DTL: variants seen among roughly 807,000 people sequenced by gnomAD.
DTL encodes denticleless E3 ubiquitin protein ligase adapter, also known as denticleless protein homolog.
In DTL, 46 loss-of-function variants were observed where a neutral mutation model predicts 87.0. That is an observed-to-expected ratio of 0.53 (90% CI 0.42 to 0.68). The LOEUF (loss-of-function observed/expected upper bound fraction) is 0.68. DTL is among the 30% of genes least tolerant of loss of function. The probability of loss-of-function intolerance (pLI) is 0.00; values close to 1 mark genes in which losing one functional copy is unlikely to be tolerated. For missense variants in DTL, 737 were observed against 869.4 expected (o/e 0.85, Z 1.91); for synonymous variants, 308 against 311.2 (o/e 0.99, Z 0.11).
chr1:212,036,438 C>G (rs542427252), intron 1 of DTL, among the ~76,000 whole-genome samples: 2 of 152,234 alleles, frequency 1.3e-5, no homozygotes, highest in South Asian at 4.1e-4. Flanking sequence ...GGAACAAAAT[C>G]TTATTTTCCC....
chr1:212,039,268 G>T (rs1667572645), intron 1 of DTL, among the ~76,000 whole-genome samples: 1 of 152,030 alleles, frequency 6.6e-6, no homozygotes, highest in Admixed American at 6.5e-5. Context: ...AAATTTTATT[G>T]GAAGTCCATC....
intron 10 of DTL, among the ~76,000 whole-genome samples, chr1:212,071,475 C>A (rs1247237683): frequency 9.2e-5 from 14 of 152,176 alleles, no homozygotes; most frequent in Non-Finnish European, 5.9e-5. Context: ...AAACAGTTTA[C>A]TCCACTAGCT....
At chr1:212,098,456 A>G (rs1161511405) in intron 13 of DTL, among the ~76,000 whole-genome samples, 2 of 152,198 alleles carry the variant, frequency 1.3e-5, no homozygotes, top group South Asian at 2.1e-4. Context: ...CGGGCTTCTC[A>G]GGCAATGAGC....
intron 13 of DTL, among the ~76,000 whole-genome samples, chr1:212,089,291 G>T (rs531509398): frequency 5.3e-5 from 8 of 151,880 alleles, no homozygotes; most frequent in African/African-American, 1.7e-4. Flanking sequence ...AAATGTGTAG[G>T]CCCATATAAT....
At chr1:212,087,567 T>C (rs1197470234) in intron 13 of DTL, among the ~76,000 whole-genome samples, 1 of 150,630 alleles carries the variant, frequency 6.6e-6, no homozygotes, top group African/African-American at 2.4e-5. Flanking sequence ...AAAAAGAACC[T>C]AGCAGAGCAA....
intron 5 of DTL, among the ~76,000 whole-genome samples, chr1:212,060,232 A>T (rs981454428): frequency 6.6e-6 from 1 of 152,220 alleles, no homozygotes; most frequent in Non-Finnish European, 1.5e-5. Context: ...AAGCAAAAAG[A>T]ATATAGCTAA....
intron 7 of DTL, 75 bp from the exon 8 acceptor site, chr1:212,066,737 T>C: frequency 1.4e-6 from 2 of 1,436,766 alleles, no homozygotes; most frequent in Non-Finnish European, 1.9e-6. Flanking sequence ...AAAGTCGTTT[T>C]TTAGCACCTT....
At position 212,103,798 on chromosome 1, in the gene DTL, C is replaced by A. The variant is rs1655694014; in HGVS notation, c.*858C>A. 6.6e-6 allele frequency: 1 copy of A among 151,976 alleles called. No homozygotes were observed. The highest frequency in any genetic ancestry group is 1.5e-5 in the Non-Finnish European group (1 of 68,000). 9.4% of individuals were successfully genotyped at this position (151,976 alleles called of 1,614,324 possible). ...TTGAATTCAGGTGCAGTCATCAGTT[C>A]TTTAGGGGCTGCAATGTTTTAAAAA... On this transcript the variant is annotated 3_prime_UTR_variant, in exon 15 of 15. Transcript: ENST00000366991.
intron 5 of DTL, among the ~76,000 whole-genome samples, chr1:212,050,203 A>G (rs559939564): frequency 9.9e-5 from 15 of 152,176 alleles, no homozygotes; most frequent in Non-Finnish European, 2.1e-4. Context: ...CGATCTATCT[A>G]TAATCAATCA....
intron 5 of DTL, among the ~76,000 whole-genome samples, chr1:212,054,177 CA>C: frequency 6.6e-6 from 1 of 152,196 alleles, no homozygotes; most frequent in South Asian, 2.1e-4. Context: ...CCATATGGTA[CA>C]GGGGTCAGCC....
rs1234588275 is a variant in DTL at position 212,068,320 on chromosome 1, A to G, written c.810A>G (p.Arg270=). The G allele has an allele frequency of 1.2e-6, 2 of 1,604,246 alleles. No individual in the cohort carries two copies. Among genetic ancestry groups the G allele is most frequent in the Non-Finnish European group, 1.7e-6 (2 of 1,175,976 alleles). ...TCCTGTACCCAGGTAGCAGCACTCGAAAACTTGGTAAGCCTTTAATAGGTC... is the reference window on the plus strand; with the variant it reads ...TCCTGTACCCAGGTAGCAGCACTCGGAAACTTGGTAAGCCTTTAATAGGTC... ...KSFLYPGSST[R]KLGYSSLILD... is the part of the protein sequence containing the mutation. Residue 270 remains arginine, a synonymous_variant, in exon 9 of 15, where the codon CGA becomes CGG. Transcript: ENST00000366991.
At chr1:212,093,558 TCTC>T (rs1655351120) in intron 13 of DTL, among the ~76,000 whole-genome samples, 3 of 152,274 alleles carry the variant, frequency 2.0e-5, no homozygotes, top group Admixed American at 1.3e-4. Context: ...CGGCCCCAGT[TCTC>T]CTCCGACTGC....
chr1:212,050,176 AAATT>A (rs541106237), intron 5 of DTL, among the ~76,000 whole-genome samples: 16 of 152,146 alleles, frequency 1.1e-4, no homozygotes, highest in African/African-American at 2.9e-4. Context: ...GTCTCAAAAT[AAATT>A]AATTAAATCA....
rs1448625360 is a variant in DTL, at chr1:212,103,756, T to C, written c.*816T>C. ...CCATTTACTAGAGGAAGATGTTTTA[T>C]GAAATCAATTTGGGGTTTGAATTCA... On this transcript the variant is annotated 3_prime_UTR_variant, in exon 15 of 15. Transcript: ENST00000366991. 6.6e-6 allele frequency: 1 copy of C among 152,222 alleles called. No homozygotes were observed. 9.4% of individuals were successfully genotyped at this position (152,222 alleles called of 1,614,324 possible).
chr1:212,041,667 G>C lies in DTL; in HGVS notation c.53-1326G>C, dbSNP rs568493146. Among the ~76,000 whole-genome samples, 4 of 151,876 alleles carry C rather than the reference G, an allele frequency of 2.6e-5. No homozygotes were observed. The South Asian group carries it at 8.3e-4, about 32-fold the overall frequency. On this transcript the variant is annotated intron_variant, in intron 1 of 14. Coordinates refer to ENST00000366991, the MANE Select transcript of DTL (RefSeq NM_016448.4). ...CTACAGGCGCCTGCCACCACGCCTG[G>C]CTAATTTTTTTTTTATGTATTTTTA...
At position 212,103,566 on chromosome 1, in the gene DTL, G is replaced by C. The variant is rs1342041940; in HGVS notation, c.*626G>C. 2 of 152,164 alleles carry C rather than the reference G, an allele frequency of 1.3e-5. No individual in the cohort carries two copies. The highest frequency in any genetic ancestry group is 4.8e-5 in the African/African-American group (2 of 41,436). 9.4% of individuals were successfully genotyped at this position (152,164 alleles called of 1,614,324 possible). On this transcript the variant is annotated 3_prime_UTR_variant, in exon 15 of 15. Coordinates refer to ENST00000366991, the MANE Select transcript of DTL (RefSeq NM_016448.4). ...CTTTATTTTAAATGCAGTGATAAAT[G>C]TCAACTCTTCGGAGAAACTAGGAGA...
At chr1:212,046,664 C>T (rs1312916568) in intron 3 of DTL, among the ~76,000 whole-genome samples, 1 of 152,186 alleles carries the variant, frequency 6.6e-6, no homozygotes. Flanking sequence ...TGTATATGTA[C>T]CACATTTTCT....
intron 13 of DTL, among the ~76,000 whole-genome samples, chr1:212,089,818 T>G (rs1317095964): frequency 6.6e-6 from 1 of 152,186 alleles, no homozygotes; most frequent in Non-Finnish European, 1.5e-5. Context: ...GCCATGCAAG[T>G]TTCAGAAACC....
chr1:212,068,421 C>A (rs1392042840), intron 9 of DTL, 94 bp downstream of exon 9: 3 of 924,890 alleles, frequency 3.2e-6, no homozygotes, highest in South Asian at 1.8e-5. Flanking sequence ...ATGAAAAATT[C>A]TAATATGTGA....
Sources: allele counts gnomAD v4.1 joint callset (sites outside exome capture counted in the v4.1 genomes callset), GRCh38; gene constraint gnomAD v4.1.1; transcripts MANE v1.5; gene names NCBI Gene and HGNC (gene_info 2026-07-23, HGNC 2026-07-21).